ZNF777: variants seen among roughly 807,000 people sequenced by gnomAD.
ZNF777 encodes the protein zinc finger protein 777.
In ZNF777, 7 loss-of-function variants were observed where a neutral mutation model predicts 72.1. The observed-to-expected ratio is 0.10, with a 90% CI of 0.06 to 0.18. ZNF777 has a LOEUF of 0.18. Among genes scored for constraint, ZNF777 ranks in the 10% least tolerant of loss-of-function variants. The pLI is 1.00. For missense variants in ZNF777, 828 were observed against 1,128.6 expected, an observed-to-expected ratio of 0.73 and a Z score of 3.82; for synonymous variants, 545 against 483.5, an observed-to-expected ratio of 1.13 and a Z score of -1.67.
rs776012974 is a variant in ZNF777, at chr7:149,432,791, T to A, written c.1481A>T (p.Glu494Val). 1 of 1,608,502 alleles carries A rather than the reference T, an allele frequency of 6.2e-7. No individual in the cohort carries two copies. The highest frequency in any genetic ancestry group is 1.1e-5 in the South Asian group (1 of 90,786). The change falls in exon 6 of 6, where the codon GAG becomes GTG. Residue 494 changes from glutamate to valine, a missense_variant. Coordinates refer to ENST00000247930, the MANE Select transcript of ZNF777 (RefSeq NM_015694.3). ...ASMYQTPLPG[E>V]MSPEGEESPP... ...GCTCTCCTCGCCCTCGGGGGACATC[T>A]CCCCGGGCAGCGGGGTCTGGTACAT...
In ZNF777 at chr7:149,450,908, G is replaced by A; in HGVS notation, c.1087+91C>T. 6 of 1,144,878 alleles carry A rather than the reference G, an allele frequency of 5.2e-6. No homozygotes were observed. The Admixed American group carries it at 1.2e-4, about 23-fold the overall frequency. The allele number at this position is 1,144,878 out of a possible 1,614,324, so 70.9% of individuals were successfully genotyped here. On this transcript the variant is annotated intron_variant, in intron 4 of 5. Coordinates refer to ENST00000247930, the MANE Select transcript of ZNF777 (RefSeq NM_015694.3). ...CTTCCTGCTAACATATCCTGGCAGG[G>A]CCTACCTTGGATTGTGCTGCCTCAT... is the stretch of plus-strand genomic sequence containing the variant.
At chr7:149,442,045 G>T (rs962128572) in intron 4 of ZNF777, among the ~76,000 whole-genome samples, 1 of 151,036 alleles carries the variant, frequency 6.6e-6, no homozygotes. Flanking sequence ...GTGAAACTTC[G>T]TCTCTACTAA....
At chr7:149,445,851 T>C (rs1445787163) in intron 4 of ZNF777, among the ~76,000 whole-genome samples, 1 of 152,174 alleles carries the variant, frequency 6.6e-6, no homozygotes, top group Non-Finnish European at 1.5e-5. Flanking sequence ...TAAAAGATGT[T>C]CAGCCAGCTG....
intron 4 of ZNF777, among the ~76,000 whole-genome samples, chr7:149,440,682 TTTTTTTTTTTA>T (rs1799499434): frequency 6.6e-6 from 1 of 150,658 alleles, no homozygotes; most frequent in Non-Finnish European, 1.5e-5. Flanking sequence ...TGTTTTTTTT[TTTTTTTTTTTA>T]AATAATGGGA....
Position 149,431,400 on chromosome 7 carries a change from C to G in ZNF777, c.*376G>C. 1 of 398,598 alleles carries G rather than the reference C, an allele frequency of 2.5e-6. No homozygotes were observed. 24.7% of individuals were successfully genotyped at this position (398,598 alleles called of 1,614,324 possible). Reference sequence around the variant, plus strand: ...TTACTCTATTATTATCAAATAGAACCACAGTATCCAAAAGGTAATTATAAA... The same window carrying G: ...TTACTCTATTATTATCAAATAGAACGACAGTATCCAAAAGGTAATTATAAA... On this transcript the variant is annotated 3_prime_UTR_variant, in exon 6 of 6. Transcript: ENST00000247930.
rs985001375 is a variant in ZNF777, at chr7:149,461,022, C to G, written c.-223G>C. ...TCAAAACCTGCGCTCACAAAGGGAT[C>G]TAAGAAACCCGTCACACCAGAGAAA... is the stretch of plus-strand genomic sequence containing the variant. On this transcript the variant is annotated 5_prime_UTR_variant, in exon 1 of 6. Coordinates refer to ENST00000247930, the MANE Select transcript of ZNF777 (RefSeq NM_015694.3). The G allele has an allele frequency of 2.0e-5, 3 of 152,334 alleles. No individual in the cohort carries two copies. Among genetic ancestry groups the G allele is most frequent in the African/African-American group, 7.2e-5 (3 of 41,470 alleles). The allele number at this position is 152,334 out of a possible 1,614,324, so 9.4% of individuals were successfully genotyped here. A position where few individuals can be genotyped will look rare whatever the true frequency, so the allele number is the denominator to read the frequency against.
rs1343576982 is a variant in ZNF777 at position 149,432,220 on chromosome 7, G to A, written c.2052C>T (p.Arg684=). Residue 684 remains arginine, a synonymous_variant, in exon 6 of 6, where the codon CGC becomes CGT. Transcript: ENST00000247930. The part of the protein sequence containing the change: ...RLHISLVIHQ[R]VHAGKHEVSF... ...AGACCTCATGCTTGCCCGCGTGCAC[G>A]CGCTGATGGATCACCAAGCTGATGT... The A allele has an allele frequency of 1.2e-6, 2 of 1,607,036 alleles. No individual in the cohort carries two copies. The highest frequency in any genetic ancestry group is 1.1e-5 in the South Asian group (1 of 91,058).
chr7:149,455,605 G>A lies in ZNF777; in HGVS notation c.418C>T (p.Leu140=), dbSNP rs1292566072. The stretch of plus-strand genomic sequence containing the variant: ...TCGGGAACTGTTGGGGAAAGGGTCA[G>A]GGGGTCTTTCTCAGGAGCTTCAGGG... ...HSPEAPEKDP[L]TLSPTVPETD... The change falls in exon 2 of 6, where the codon CTG becomes TTG. Residue 140 remains leucine (L), a synonymous_variant. Transcript: ENST00000247930. This position sits in a 1 kb window ranked among gnomAD's most constrained non-coding sequence, Gnocchi z 4.2. The A allele has an allele frequency of 6.2e-7, 1 of 1,610,304 alleles. No homozygotes were observed. The highest frequency in any genetic ancestry group is 8.5e-7 in the Non-Finnish European group (1 of 1,178,438).
intron 1 of ZNF777, among the ~76,000 whole-genome samples, chr7:149,457,712 G>A (rs1198988562): frequency 2.0e-5 from 3 of 152,156 alleles, no homozygotes; most frequent in Non-Finnish European, 4.4e-5. Flanking sequence ...CCTCTGCCGC[G>A]AACCAGACAT....
intron 4 of ZNF777, among the ~76,000 whole-genome samples, chr7:149,439,046 C>T (rs745960493): frequency 3.3e-5 from 5 of 152,162 alleles, no homozygotes. Flanking sequence ...TCCCCTACTT[C>T]CTACACTGGC....
intron 4 of ZNF777, among the ~76,000 whole-genome samples, chr7:149,443,539 C>T (rs1799558710): frequency 6.6e-6 from 1 of 152,156 alleles, no homozygotes; most frequent in Non-Finnish European, 1.5e-5. Flanking sequence ...CCAATCTTCG[C>T]ATGGCTATAC....
At position 149,446,560 on chromosome 7, in the gene ZNF777, G is replaced by GT. The variant is rs201190576; in HGVS notation, c.1087+4438dup. On this transcript the variant is annotated intron_variant, in intron 4 of 5. Coordinates refer to ENST00000247930, the MANE Select transcript of ZNF777 (RefSeq NM_015694.3). ...TATGGCTTTGGTATGTTTCCATCCA[G>GT]TTTTTTTTTAATCTACTTTTGCTTA... Among the ~76,000 whole-genome samples the GT allele has an allele frequency of 2.7e-3, 408 of 151,526 alleles. 4 individuals are homozygous for GT. Among genetic ancestry groups the GT allele is most frequent in the African/African-American group, 9.4e-3 (389 of 41,302 alleles).
chr7:149,439,650 C>G (rs1799473843), intron 4 of ZNF777, among the ~76,000 whole-genome samples: 1 of 152,274 alleles, frequency 6.6e-6, no homozygotes, highest in East Asian at 1.9e-4. Flanking sequence ...CCTAATAGAA[C>G]ATATTTGTAT....
At chr7:149,433,098 T>A (rs964256230) in intron 5 of ZNF777, among the ~76,000 whole-genome samples, 166 bp from the exon 6 acceptor site, 1 of 152,132 alleles carries the variant, frequency 6.6e-6, no homozygotes, top group African/African-American at 2.4e-5. Flanking sequence ...TCCGCTCCCC[T>A]CCCCCAACGG....
intron 1 of ZNF777, chr7:149,459,804 G>T: frequency 1.0e-6 from 1 of 984,874 alleles, no homozygotes; most frequent in Non-Finnish European, 1.2e-6. Flanking sequence ...AAACGTGCCG[G>T]CGGCTACCCC....
In ZNF777 at chr7:149,432,795, C is replaced by T. The variant is rs1238857049; in HGVS notation, c.1477G>A (p.Gly493Arg). ...EASMYQTPLPGEMSPEGEESP... is the reference protein window; with the variant it reads ...EASMYQTPLPREMSPEGEESP... ...TCCTCGCCCTCGGGGGACATCTCCC[C>T]GGGCAGCGGGGTCTGGTACATACTG... The change falls in exon 6 of 6, where the codon GGG (glycine) becomes AGG (arginine). Residue 493 changes from glycine (G) to arginine (R), a missense_variant. Coordinates refer to ENST00000247930, the MANE Select transcript of ZNF777 (RefSeq NM_015694.3). 5 of 1,607,900 alleles carry T rather than the reference C, an allele frequency of 3.1e-6. No individual in the cohort carries two copies. The highest frequency in any genetic ancestry group is 1.1e-5 in the South Asian group (1 of 90,636).
rs1221581281 is a variant in ZNF777 at position 149,459,315 on chromosome 7, TAA to T, written c.-16+1498_-16+1499del. 2.0e-5 allele frequency among the ~76,000 whole-genome samples: 3 copies of T among 152,106 alleles called. No homozygotes were observed. The East Asian group carries it at 5.8e-4, about 29-fold the overall frequency. On this transcript the variant is annotated intron_variant, in intron 1 of 5. Transcript: ENST00000247930. ...CGGGAGGATCTGAGGGATGATTTTT[TAA>T]GAGTGTCTTCCTGAAGAGGAACATC...
chr7:149,451,208 T>A (rs1799710139), intron 3 of ZNF777, 96 bp from the exon 4 acceptor site: 18 of 1,102,742 alleles, frequency 1.6e-5, no homozygotes, highest in Admixed American at 1.9e-5. Flanking sequence ...CAGGAGCAGC[T>A]CCTCGACTGG....
rs776041860 is a variant in ZNF777 at position 149,432,416 on chromosome 7, G to A, written c.1856C>T (p.Pro619Leu). 4 of 1,613,454 alleles carry A rather than the reference G, an allele frequency of 2.5e-6. No homozygotes were observed. The highest frequency in any genetic ancestry group is 4.5e-5 in the East Asian group (2 of 44,864). Reference protein sequence around the residue: ...PTFNPKHALKPRPKSPSSGSG... With the variant: ...PTFNPKHALKLRPKSPSSGSG... ...ACCAGAGCTGGGTGACTTGGGACGC[G>A]GCTTGAGCGCGTGCTTGGGGTTGAA... The change falls in exon 6 of 6, where the codon CCG becomes CTG. Residue 619 changes from proline to leucine, a missense_variant. Coordinates refer to ENST00000247930, the MANE Select transcript of ZNF777 (RefSeq NM_015694.3).
Sources: allele counts gnomAD v4.1 joint callset (sites outside exome capture counted in the v4.1 genomes callset), GRCh38; gene constraint gnomAD v4.1.1; non-coding constraint Gnocchi (gnomAD v3.1); transcripts MANE v1.5; gene names NCBI Gene and HGNC (gene_info 2026-07-23, HGNC 2026-07-21).